Variants in ANKRD28 observed in about 807,000 individuals in gnomAD.
ANKRD28 encodes ankyrin repeat domain 28.
In ANKRD28, 44 loss-of-function variants were observed where a neutral mutation model predicts 126.5. The ratio of observed to expected loss-of-function variants is 0.35; its 90% CI spans 0.27 to 0.45. The LOEUF (loss-of-function observed/expected upper bound fraction) is 0.45. Among genes scored for constraint, ANKRD28 ranks in the 20% least tolerant of loss-of-function variants. The pLI is 1.00. For missense variants in ANKRD28, 1,110 were observed against 1,316.6 expected (o/e 0.84, Z 2.43); for synonymous variants, 442 against 468.5 (o/e 0.94, Z 0.73).
At position 15,853,431 on chromosome 3, in the gene ANKRD28, T is replaced by C. The variant is rs553567256; in HGVS notation, c.27+5946A>G. ...ATCCAAAATCTAACTATTTGGGTTA[T>C]CTGCTCTTTAACTACCATAATCAAT... On this transcript the variant is annotated intron_variant, in intron 1 of 27. Coordinates refer to the ANKRD28 transcript ENST00000399451. This position sits in a 1 kb window ranked among gnomAD's most constrained non-coding sequence, Gnocchi z 4.2. Among the ~76,000 whole-genome samples the C allele has an allele frequency of 7.0e-4, 106 of 152,218 alleles. 1 individual carries two copies. The highest frequency in any genetic ancestry group is 2.2e-3 in the African/African-American group (92 of 41,548).
At position 15,685,887 on chromosome 3, in the gene ANKRD28, G is replaced by A. The variant is rs185296613; in HGVS notation, c.2169+115C>T. The A allele has an allele frequency of 3.1e-5, 24 of 786,694 alleles. No individual in the cohort carries two copies. In the South Asian group the frequency reaches 4.2e-4, roughly 14 times the overall value. 48.7% of individuals were successfully genotyped at this position (786,694 alleles called of 1,614,324 possible). Reference sequence around the variant, plus strand: ...AAAAACTAAGATACTGAAAGAAATGGTAAAGACTATTTGACGAACATTTAA... The same window carrying A: ...AAAAACTAAGATACTGAAAGAAATGATAAAGACTATTTGACGAACATTTAA... On this transcript the variant is annotated intron_variant, in intron 20 of 27. Transcript: ENST00000683139.
At position 15,817,311 on chromosome 3, in the gene ANKRD28, T is replaced by A. The variant is rs1281995300; in HGVS notation, c.28-22005A>T. On this transcript the variant is annotated intron_variant, in intron 1 of 27. Coordinates refer to the ANKRD28 transcript ENST00000399451. This position sits in a 1 kb window ranked among gnomAD's most constrained non-coding sequence, Gnocchi z 4.5. The stretch of plus-strand genomic sequence containing the variant: ...GTTTTTGTCCCAACTAGATAGAAAA[T>A]TTTATAGGTTATAAACTAACATCGG... 6.6e-6 allele frequency among the ~76,000 whole-genome samples: 1 copy of A among 152,052 alleles called. No individual in the cohort carries two copies. Among genetic ancestry groups the A allele is most frequent in the African/African-American group, 2.4e-5 (1 of 41,410 alleles).
chr3:15,674,320 T>C (rs1391858555), intron 27 of ANKRD28, among the ~76,000 whole-genome samples: 1 of 151,668 alleles, frequency 6.6e-6, no homozygotes, highest in Non-Finnish European at 1.5e-5. Flanking sequence ...GTGGAGTCAA[T>C]AGTATATGCT....
At chr3:15,826,592 G>C (rs188223567) in intron 1 of ANKRD28, among the ~76,000 whole-genome samples, 30 of 152,292 alleles carry the variant, frequency 2.0e-4, no homozygotes, top group African/African-American at 6.5e-4. Flanking sequence ...CATTCTTTAA[G>C]AGACACAAAG....
At chr3:15,743,712 A>AT (rs1321405253) in intron 4 of ANKRD28, among the ~76,000 whole-genome samples, 1 of 152,204 alleles carries the variant, frequency 6.6e-6, no homozygotes, top group Non-Finnish European at 1.5e-5. Context: ...GTCATAAATC[A>AT]TAGTAGTAGA....
chr3:15,758,638 C>A (rs2058294734), intron 3 of ANKRD28, among the ~76,000 whole-genome samples: 1 of 152,104 alleles, frequency 6.6e-6, no homozygotes, highest in African/African-American at 2.4e-5. Context: ...GAGAGAGATA[C>A]CCTGAACAGA....
intron 1 of ANKRD28, among the ~76,000 whole-genome samples, chr3:15,842,110 T>A (rs1287495765): frequency 6.7e-6 from 1 of 149,904 alleles, no homozygotes; most frequent in Non-Finnish European, 1.5e-5. Context: ...TGATATATAA[T>A]ATGCACATTA....
At chr3:15,831,136 T>C (rs2061179119) in intron 1 of ANKRD28, among the ~76,000 whole-genome samples, 1 of 152,170 alleles carries the variant, frequency 6.6e-6, no homozygotes, top group Non-Finnish European at 1.5e-5. Flanking sequence ...ACCATACCAT[T>C]AATTTAACTG....
chr3:15,848,550 C>A (rs937819247), intron 1 of ANKRD28, among the ~76,000 whole-genome samples: 3 of 152,014 alleles, frequency 2.0e-5, no homozygotes, highest in Admixed American at 2.0e-4. Flanking sequence ...TGGTGCATGC[C>A]TGTGGTCCCA....
intron 17 of ANKRD28, among the ~76,000 whole-genome samples, chr3:15,694,438 C>T (rs1203784183): frequency 6.6e-6 from 1 of 151,920 alleles, no homozygotes; most frequent in East Asian, 1.9e-4. Flanking sequence ...TAAAATTCAC[C>T]ATCACAGGCA....
At chr3:15,841,577 G>A (rs2061424995) in intron 1 of ANKRD28, among the ~76,000 whole-genome samples, 1 of 151,920 alleles carries the variant, frequency 6.6e-6, no homozygotes, top group African/African-American at 2.4e-5. Context: ...TCAAACAAAT[G>A]TACAGAAAAA....
chr3:15,774,934 C>G (rs2059185474), intron 2 of ANKRD28, among the ~76,000 whole-genome samples: 1 of 134,394 alleles, frequency 7.4e-6, no homozygotes. Context: ...TGGAGTGCAG[C>G]AGCACAATCT....
chr3:15,778,138 T>G (rs1351115891), intron 2 of ANKRD28, among the ~76,000 whole-genome samples: 2 of 152,226 alleles, frequency 1.3e-5, no homozygotes, highest in African/African-American at 4.8e-5. Context: ...CATAGCACTC[T>G]GAACGTCTCC....
At chr3:15,859,584 CCG>C (rs2061861778) in exon 1 of ANKRD28, 3 of 194,436 alleles carry the variant, frequency 1.5e-5, no homozygotes, top group Non-Finnish European at 2.8e-5. Context: ...CGGCCGCCCG[CCG>C]CCGCCGCCGC....
chr3:15,722,145 C>T (rs540070915), intron 7 of ANKRD28, among the ~76,000 whole-genome samples: 1 of 152,236 alleles, frequency 6.6e-6, no homozygotes, highest in Non-Finnish European at 1.5e-5. Context: ...TTGCCCCTGG[C>T]TTCAGGGAGG....
At chr3:15,806,998 G>A (rs964220661) in intron 1 of ANKRD28, among the ~76,000 whole-genome samples, 11 of 152,158 alleles carry the variant, frequency 7.2e-5, no homozygotes, top group African/African-American at 2.7e-4. Flanking sequence ...ATTAAAATAA[G>A]GTGGCTTTAG....
intron 1 of ANKRD28, among the ~76,000 whole-genome samples, chr3:15,851,587 AT>A (rs2061652709): frequency 8.1e-6 from 1 of 123,338 alleles, no homozygotes; most frequent in African/African-American, 3.0e-5. Context: ...AAATAAATAA[AT>A]AAAAGAGATA....
chr3:15,759,895 C>G (rs948442182), intron 3 of ANKRD28, among the ~76,000 whole-genome samples: 14 of 152,164 alleles, frequency 9.2e-5, no homozygotes, highest in Admixed American at 9.2e-4. Flanking sequence ...CGATCTAGAG[C>G]TGTCTGGGTA....
chr3:15,780,028 C>T (rs1388805049), intron 2 of ANKRD28, among the ~76,000 whole-genome samples: 3 of 152,046 alleles, frequency 2.0e-5, no homozygotes, highest in African/African-American at 7.2e-5. Flanking sequence ...AGAATGCTGC[C>T]CACCCTCACC....
Sources: gnomAD v4.1 joint callset for allele counts (sites outside exome capture counted in the v4.1 genomes callset) on GRCh38, gnomAD v4.1.1 for gene constraint, Gnocchi (gnomAD v3.1) non-coding constraint, MANE v1.5 for transcripts, NCBI Gene and HGNC (gene_info 2026-07-23, HGNC 2026-07-21) for gene names.